The following NCKAP1 variants were observed in gnomAD, a reference collection of about 807,000 sequenced individuals.
NCKAP1 encodes the protein nck-associated protein 1.
A neutral mutation model predicts 151.2 loss-of-function variants in NCKAP1; 21 were observed. That is an observed-to-expected ratio of 0.14 (90% CI 0.10 to 0.20). The LOEUF (loss-of-function observed/expected upper bound fraction) is 0.20, where lower values mean the gene tolerates loss of function less well. Ranked by LOEUF, NCKAP1 falls within the 10% of genes least tolerant of loss-of-function variation. The pLI is 1.00. For synonymous variants in NCKAP1, 484 were observed against 451.8 expected (o/e 1.07, Z -0.90); for missense variants, 933 against 1,352.1 (o/e 0.69, Z 4.86).
At position 183,002,970 on chromosome 2, in the gene NCKAP1, T is replaced by C. The variant is rs749111674; in HGVS notation, c.369+4A>G. On this transcript the variant is annotated splice_donor_region_variant and intron_variant, in intron 4 of 30. Transcript: ENST00000361354. ...TTGGACATTTTTCTGAAAATGATAC[T>C]TACAATATCAAAGAAGACTTGGCAA... The C allele has an allele frequency of 1.9e-6, 3 of 1,604,208 alleles. No individual in the cohort carries two copies. The East Asian group carries it at 6.7e-5, about 36-fold the overall frequency.
At chr2:182,989,267 A>G (rs1282703165) in intron 8 of NCKAP1, 81 bp from the exon 9 acceptor site, 1 of 1,127,032 alleles carries the variant, frequency 8.9e-7, no homozygotes. Flanking sequence ...TTTGAAAAAT[A>G]CAGAAACGTA....
At chr2:182,981,130 T>C in intron 13 of NCKAP1, 114 bp downstream of exon 13, 1 of 1,325,726 alleles carries the variant, frequency 7.5e-7, no homozygotes, top group Non-Finnish European at 1.0e-6. Flanking sequence ...AATATAAACA[T>C]GATTTATCAC....
At chr2:182,970,336 A>G (rs1156307311) in intron 15 of NCKAP1, among the ~76,000 whole-genome samples, 1 of 152,188 alleles carries the variant, frequency 6.6e-6, no homozygotes, top group African/African-American at 2.4e-5. Context: ...GGCCATCATC[A>G]CTTACGAACA....
intron 24 of NCKAP1, among the ~76,000 whole-genome samples, chr2:182,940,922 T>C (rs2105810389): frequency 6.6e-6 from 1 of 152,360 alleles, no homozygotes; most frequent in South Asian, 2.1e-4. Context: ...AGGTAATCTT[T>C]AATTTTTATT....
chr2:183,003,248 A>G lies in NCKAP1; in HGVS notation c.297T>C (p.Asp99=), dbSNP rs1404146782. The G allele has an allele frequency of 6.5e-7, 1 of 1,539,342 alleles. No homozygotes were observed. The highest frequency in any genetic ancestry group is 8.9e-7 in the Non-Finnish European group (1 of 1,123,552). The change falls in exon 3 of 31, where the codon GAT becomes GAC. Residue 99 remains aspartate, a synonymous_variant. Coordinates refer to ENST00000361354, the MANE Select transcript of NCKAP1 (RefSeq NM_013436.5). ...NLALYYFTFV[D]VMEFKDHVCE... The stretch of plus-strand genomic sequence containing the variant: ...AAATACATACCTTAAATTCCATAAC[A>G]TCTACAAATGTGAAGTAATATAATG...
chr2:182,934,304 A>ATTTTTT (rs776149662), intron 26 of NCKAP1: 1 of 139,300 alleles, frequency 7.2e-6, no homozygotes, highest in Non-Finnish European at 1.6e-5. Flanking sequence ...CGCCTGGCTA[A>ATTTTTT]TTTTTTTTTT....
intron 8 of NCKAP1, among the ~76,000 whole-genome samples, chr2:182,992,528 C>G (rs186439012): frequency 6.6e-6 from 1 of 152,298 alleles, no homozygotes; most frequent in Admixed American, 6.5e-5. Context: ...TTCATCTGTA[C>G]ATCCATAAGC....
At chr2:182,994,556 T>C (rs997968501) in intron 8 of NCKAP1, among the ~76,000 whole-genome samples, 13 of 151,836 alleles carry the variant, frequency 8.6e-5, no homozygotes, top group African/African-American at 3.1e-4. Flanking sequence ...CGAGAACTGC[T>C]TGAACCCAGG....
At chr2:183,004,219 A>G (rs1167197937) in intron 2 of NCKAP1, among the ~76,000 whole-genome samples, 2 of 150,922 alleles carry the variant, frequency 1.3e-5, no homozygotes, top group Non-Finnish European at 3.0e-5. Flanking sequence ...TGTTGTAAAC[A>G]CACATTAAAT....
At chr2:183,003,784 T>A (rs557887013) in intron 2 of NCKAP1, among the ~76,000 whole-genome samples, 1 of 151,904 alleles carries the variant, frequency 6.6e-6, no homozygotes, top group Admixed American at 6.6e-5. Context: ...AAAATGTAGA[T>A]ACAAACATAA....
chr2:183,018,077 G>T (rs769958816), intron 2 of NCKAP1, among the ~76,000 whole-genome samples: 1 of 151,932 alleles, frequency 6.6e-6, no homozygotes, highest in Non-Finnish European at 1.5e-5. Flanking sequence ...GGTGAAACCC[G>T]TCTCTACTAA....
At chr2:182,986,492 T>C (rs1698059610) in intron 9 of NCKAP1, among the ~76,000 whole-genome samples, 1 of 152,194 alleles carries the variant, frequency 6.6e-6, no homozygotes, top group Non-Finnish European at 1.5e-5. Flanking sequence ...TATTAAATGT[T>C]ATTACTTCCT....
intron 6 of NCKAP1, among the ~76,000 whole-genome samples, 162 bp from the exon 7 acceptor site, chr2:182,996,000 T>G (rs1422960833): frequency 6.6e-6 from 1 of 152,234 alleles, no homozygotes; most frequent in Non-Finnish European, 1.5e-5. Context: ...GTGGCTCCTC[T>G]CCTCTAGAAT....
intron 2 of NCKAP1, among the ~76,000 whole-genome samples, chr2:183,023,328 A>G (rs1283206258): frequency 1.3e-5 from 2 of 152,136 alleles, no homozygotes; most frequent in Non-Finnish European, 2.9e-5. Flanking sequence ...CCCTAACACA[A>G]TCATTTACTT....
chr2:182,985,386 A>G (rs1253225009), intron 10 of NCKAP1, among the ~76,000 whole-genome samples: 1 of 152,236 alleles, frequency 6.6e-6, no homozygotes, highest in Admixed American at 6.5e-5. Context: ...CAAATTATTT[A>G]GAATTATTTT....
At chr2:183,016,679 T>C (rs1205731928) in intron 2 of NCKAP1, among the ~76,000 whole-genome samples, 3 of 152,202 alleles carry the variant, frequency 2.0e-5, no homozygotes, top group Non-Finnish European at 2.9e-5. Context: ...GCCTACTACA[T>C]GCCAGTCAAG....
chr2:182,952,589 T>C (rs1333471262), intron 22 of NCKAP1, 87 bp from the exon 23 acceptor site: 4 of 1,152,466 alleles, frequency 3.5e-6, no homozygotes, highest in African/African-American at 3.2e-5. Context: ...CATCTCATTA[T>C]AAAAACTAAT....
chr2:183,025,734 A>T (rs1559111222), intron 1 of NCKAP1, among the ~76,000 whole-genome samples: 1 of 152,208 alleles, frequency 6.6e-6, no homozygotes, highest in South Asian at 2.1e-4. Context: ...TATAATAGCT[A>T]AGAATAATAA....
intron 19 of NCKAP1, 175 bp downstream of exon 19, chr2:182,957,282 T>A (rs763277205): frequency 2.0e-5 from 13 of 642,662 alleles, no homozygotes; most frequent in Non-Finnish European, 2.5e-5. Context: ...AAAATCTGTA[T>A]TTTGAGATGA....
Sources: gnomAD v4.1 joint callset for allele counts (sites outside exome capture counted in the v4.1 genomes callset) on GRCh38, gnomAD v4.1.1 for gene constraint, MANE v1.5 for transcripts, NCBI Gene and HGNC (gene_info 2026-07-23, HGNC 2026-07-21) for gene names.